The following ADAMTSL1 variants were observed in gnomAD, a reference collection of about 807,000 sequenced individuals.
ADAMTSL1 encodes the protein ADAMTS-like protein 1.
Under a neutral mutation model 201.8 loss-of-function variants are expected in ADAMTSL1, and 126 were observed. That is an observed-to-expected ratio of 0.62 (90% confidence interval 0.54 to 0.72). ADAMTSL1 has a LOEUF of 0.72. ADAMTSL1 is among the 30% of genes least tolerant of loss of function. ADAMTSL1 has a pLI of 0.00. For synonymous variants in ADAMTSL1, 1,121 were observed against 903.4 expected, an observed-to-expected ratio of 1.24 and a Z score of -4.32; for missense variants, 2,679 against 2,277.8, an observed-to-expected ratio of 1.18 and a Z score of -3.59.
At chr9:18,799,053 T>G (rs1303848903) in intron 20 of ADAMTSL1, among the ~76,000 whole-genome samples, 1 of 152,016 alleles carries the variant, frequency 6.6e-6, no homozygotes, top group African/African-American at 2.4e-5. Flanking sequence ...GGCCAGTGTT[T>G]CCCTCCCTAC....
At chr9:18,486,014 C>T (rs897967758) in intron 1 of ADAMTSL1, among the ~76,000 whole-genome samples, 1 of 152,200 alleles carries the variant, frequency 6.6e-6, no homozygotes, top group African/African-American at 2.4e-5. Flanking sequence ...CTTGTGGGCT[C>T]CCTTTGCTGT....
chr9:18,256,749 T>G (rs1212030950), intron 2 of ADAMTSL1, among the ~76,000 whole-genome samples: 1 of 152,210 alleles, frequency 6.6e-6, no homozygotes, highest in Non-Finnish European at 1.5e-5. Context: ...GCCAGCGGTG[T>G]TGCCCAGCAA....
intron 1 of ADAMTSL1, among the ~76,000 whole-genome samples, chr9:18,478,466 G>T (rs1380818894): frequency 6.6e-6 from 1 of 152,158 alleles, no homozygotes; most frequent in South Asian, 2.1e-4. Flanking sequence ...GAGAAAAAAT[G>T]ACTTACAGAG....
At chr9:18,731,988 C>T (rs1052224357) in intron 15 of ADAMTSL1, among the ~76,000 whole-genome samples, 2 of 152,170 alleles carry the variant, frequency 1.3e-5, no homozygotes, top group Admixed American at 1.3e-4. Context: ...ACTACATCAG[C>T]TGGCCACGTT....
intron 2 of ADAMTSL1, among the ~76,000 whole-genome samples, chr9:18,214,729 A>G (rs1830001885): frequency 6.6e-6 from 1 of 152,242 alleles, no homozygotes; most frequent in African/African-American, 2.4e-5. Context: ...GTATCAAAGT[A>G]GAGTTACTTC....
chr9:18,034,054 ATTG>A (rs1821091228), intron 1 of ADAMTSL1, among the ~76,000 whole-genome samples: 1 of 151,908 alleles, frequency 6.6e-6, no homozygotes, highest in Non-Finnish European at 1.5e-5. Context: ...GGTTCTTTCT[ATTG>A]TTCTATGTCT....
At chr9:18,743,741 T>C (rs965779592) in intron 15 of ADAMTSL1, among the ~76,000 whole-genome samples, 5 of 152,224 alleles carry the variant, frequency 3.3e-5, no homozygotes, top group African/African-American at 1.2e-4. Flanking sequence ...TACATGTTTC[T>C]GGTTAATTTT....
intron 23 of ADAMTSL1, among the ~76,000 whole-genome samples, chr9:18,834,265 A>C (rs1038186984): frequency 2.0e-5 from 3 of 152,132 alleles, no homozygotes; most frequent in Admixed American, 6.6e-5. Context: ...TGAATCTGTA[A>C]GTTGCTTTAG....
intron 16 of ADAMTSL1, among the ~76,000 whole-genome samples, chr9:18,766,271 C>T (rs1465105189): frequency 6.6e-6 from 1 of 152,122 alleles, no homozygotes; most frequent in Non-Finnish European, 1.5e-5. Context: ...GGGCAGGAAC[C>T]AGAATCTGTA....
At chr9:18,582,668 G>A (rs975733933) in intron 4 of ADAMTSL1, among the ~76,000 whole-genome samples, 1 of 151,882 alleles carries the variant, frequency 6.6e-6, no homozygotes, top group Non-Finnish European at 1.5e-5. Context: ...CTAACATGGT[G>A]AAACCCCATC....
intron 1 of ADAMTSL1, among the ~76,000 whole-genome samples, chr9:17,922,452 C>T (rs559710055): frequency 1.5e-3 from 231 of 152,228 alleles, no homozygotes; most frequent in African/African-American, 4.9e-3. Flanking sequence ...ATTCCTGAGC[C>T]TCAATCTCAG....
chr9:17,963,315 G>A (rs928513258), intron 1 of ADAMTSL1, among the ~76,000 whole-genome samples: 1 of 152,110 alleles, frequency 6.6e-6, no homozygotes, highest in South Asian at 2.1e-4. Flanking sequence ...CCTTTATATG[G>A]TTGGAGTTTT....
At chr9:18,554,328 C>A (rs1820977508) in intron 3 of ADAMTSL1, among the ~76,000 whole-genome samples, 1 of 151,706 alleles carries the variant, frequency 6.6e-6, no homozygotes. Context: ...TTTCTGCTGT[C>A]TCCTTTTCAC....
rs1003126837 is a variant in ADAMTSL1, at chr9:18,909,289, A to C, written c.*741A>C. The C allele has an allele frequency of 2.0e-5, 3 of 152,738 alleles. No individual in the cohort carries two copies. Among genetic ancestry groups the C allele is most frequent in the Admixed American group, 2.0e-4 (3 of 15,324 alleles). 9.5% of individuals were successfully genotyped at this position (152,738 alleles called of 1,614,324 possible). On this transcript the variant is annotated 3_prime_UTR_variant, in exon 29 of 29. Transcript: ENST00000380548. ...TGAGCAGGGGCTTCCAGGCTGCATG[A>C]GGCTCATGGACCAGCTCTGATCCCA...
At chr9:17,973,002 G>C (rs1422904500) in intron 1 of ADAMTSL1, among the ~76,000 whole-genome samples, 1 of 145,994 alleles carries the variant, frequency 6.8e-6, no homozygotes, top group Non-Finnish European at 1.5e-5. Flanking sequence ...CCCACTTTTT[G>C]ATGGGGTTGT....
intron 9 of ADAMTSL1, among the ~76,000 whole-genome samples, chr9:18,669,143 A>G (rs570407219): frequency 1.5e-4 from 23 of 152,250 alleles, no homozygotes; most frequent in Non-Finnish European, 2.8e-4. Context: ...ACCATTAACC[A>G]TAACAATGCC....
intron 2 of ADAMTSL1, among the ~76,000 whole-genome samples, chr9:18,528,204 A>G (rs1564020904): frequency 6.6e-6 from 1 of 151,726 alleles, no homozygotes. Context: ...TTTTTATTTT[A>G]TTTTAAGTTT....
chr9:18,689,764 C>T (rs957069319), intron 13 of ADAMTSL1, among the ~76,000 whole-genome samples: 1 of 152,102 alleles, frequency 6.6e-6, no homozygotes, highest in African/African-American at 2.4e-5. Context: ...CCAGATATTC[C>T]CTTGTTAAAT....
intron 13 of ADAMTSL1, among the ~76,000 whole-genome samples, chr9:18,689,380 G>C (rs890543089): frequency 6.6e-6 from 1 of 152,116 alleles, no homozygotes; most frequent in African/African-American, 2.4e-5. Flanking sequence ...TTGTTGGATA[G>C]GAAGTCATTC....
Sources: allele counts gnomAD v4.1 joint callset (sites outside exome capture counted in the v4.1 genomes callset), GRCh38; gene constraint gnomAD v4.1.1; transcripts MANE v1.5; gene names NCBI Gene and HGNC (gene_info 2026-07-23, HGNC 2026-07-21).